Variants in MMP16 observed in about 807,000 individuals in gnomAD.
The protein encoded by MMP16 is matrix metallopeptidase 16.
In MMP16, 12 loss-of-function variants were observed where a neutral mutation model predicts 67.8. That is an observed-to-expected ratio of 0.18 (90% CI 0.11 to 0.29). MMP16 has a LOEUF of 0.29. Among genes scored for constraint, MMP16 ranks in the 10% least tolerant of loss-of-function variants. The pLI is 1.00. For missense variants in MMP16, 475 were observed against 765.7 expected, an observed-to-expected ratio of 0.62 and a Z score of 4.48; for synonymous variants, 249 against 255.9, an observed-to-expected ratio of 0.97 and a Z score of 0.26.
intron 1 of MMP16, among the ~76,000 whole-genome samples, chr8:88,280,089 G>A (rs1279086253): frequency 1.3e-5 from 2 of 152,126 alleles, no homozygotes; most frequent in African/African-American, 4.8e-5. Flanking sequence ...TAATCTTGAA[G>A]AATCTGATTG....
intron 1 of MMP16, among the ~76,000 whole-genome samples, chr8:88,253,013 G>A (rs1810250041): frequency 6.6e-6 from 1 of 152,098 alleles, no homozygotes; most frequent in Non-Finnish European, 1.5e-5. Context: ...AAGCCTGATA[G>A]GACAATTCTT....
At chr8:88,060,845 C>A (rs28516548) in intron 7 of MMP16, among the ~76,000 whole-genome samples, 6,856 of 151,926 alleles carry the variant, frequency 0.045, 167 homozygotes, top group African/African-American at 0.056. Context: ...ATGCAAAGAA[C>A]CATGTTTAAT....
At chr8:88,241,815 T>C (rs1232974522) in intron 1 of MMP16, among the ~76,000 whole-genome samples, 2 of 152,096 alleles carry the variant, frequency 1.3e-5, no homozygotes, top group African/African-American at 2.4e-5. Context: ...TATTCATTAC[T>C]TCAAACATTT....
chr8:88,287,527 C>T (rs542073747), intron 1 of MMP16, among the ~76,000 whole-genome samples: 4 of 152,240 alleles, frequency 2.6e-5, no homozygotes, highest in South Asian at 2.1e-4. Context: ...TTCAGGCCCT[C>T]GGGTTGATGC....
intron 1 of MMP16, among the ~76,000 whole-genome samples, chr8:88,236,407 G>A (rs1370847829): frequency 1.3e-5 from 2 of 152,152 alleles, no homozygotes; most frequent in African/African-American, 2.4e-5. Context: ...TTAGCTGCTG[G>A]TGGCAATAAT....
chr8:88,095,574 T>C (rs1809012337), intron 6 of MMP16, among the ~76,000 whole-genome samples: 1 of 151,878 alleles, frequency 6.6e-6, no homozygotes, highest in African/African-American at 2.4e-5. Flanking sequence ...ATTTTATTTA[T>C]AGATATTTGA....
chr8:88,062,892 G>A (rs952365430), intron 7 of MMP16, among the ~76,000 whole-genome samples: 3 of 151,990 alleles, frequency 2.0e-5, no homozygotes, highest in Non-Finnish European at 4.4e-5. Flanking sequence ...ATTCATATTT[G>A]ACTTTTTTTA....
chr8:88,044,969 T>C (rs1415153886), intron 9 of MMP16, among the ~76,000 whole-genome samples: 4 of 152,238 alleles, frequency 2.6e-5, no homozygotes, highest in Non-Finnish European at 5.9e-5. Flanking sequence ...TGACTTCCTT[T>C]ACTCTCTTAT....
chr8:88,147,887 CA>C (rs1442368772), intron 4 of MMP16, among the ~76,000 whole-genome samples: 1 of 152,006 alleles, frequency 6.6e-6, no homozygotes, highest in Non-Finnish European at 1.5e-5. Context: ...TAATTATCAA[CA>C]AGTATACTTT....
At chr8:88,206,002 C>T (rs182504355) in intron 1 of MMP16, among the ~76,000 whole-genome samples, 1 of 152,034 alleles carries the variant, frequency 6.6e-6, no homozygotes, top group Non-Finnish European at 1.5e-5. Flanking sequence ...CTTATTTCTG[C>T]TGCCACTCCT....
chr8:88,045,863 C>T (rs1586120625), intron 9 of MMP16, among the ~76,000 whole-genome samples: 1 of 152,250 alleles, frequency 6.6e-6, no homozygotes, highest in African/African-American at 2.4e-5. Flanking sequence ...ACATAATATA[C>T]TATTTTCTTA....
At chr8:88,220,052 TTTA>T (rs1233147409) in intron 1 of MMP16, among the ~76,000 whole-genome samples, 1 of 152,140 alleles carries the variant, frequency 6.6e-6, no homozygotes, top group African/African-American at 2.4e-5. Flanking sequence ...CTCTATCCAG[TTTA>T]TTGTGAAGCA....
At chr8:88,089,069 T>G (rs761091779) in intron 6 of MMP16, among the ~76,000 whole-genome samples, 1 of 151,934 alleles carries the variant, frequency 6.6e-6, no homozygotes. Flanking sequence ...TAAAACAAAA[T>G]TGGTGTATAA....
At chr8:88,258,528 A>C (rs1413137830) in intron 1 of MMP16, among the ~76,000 whole-genome samples, 1 of 152,152 alleles carries the variant, frequency 6.6e-6, no homozygotes, top group Non-Finnish European at 1.5e-5. Flanking sequence ...CTTTTGTCTA[A>C]AACAAAATCA....
At chr8:88,260,807 G>A (rs111786556) in intron 1 of MMP16, among the ~76,000 whole-genome samples, 87 of 152,204 alleles carry the variant, frequency 5.7e-4, no homozygotes, top group African/African-American at 2.0e-3. Flanking sequence ...TTAATGAATT[G>A]TGTTATGTTT....
At chr8:88,215,489 T>C (rs1293059598) in intron 1 of MMP16, among the ~76,000 whole-genome samples, 1 of 152,136 alleles carries the variant, frequency 6.6e-6, no homozygotes, top group Admixed American at 6.6e-5. Flanking sequence ...TTCAGTTGGA[T>C]TGAGACAACA....
chr8:88,189,528 T>C (rs1809133037), intron 2 of MMP16, among the ~76,000 whole-genome samples: 1 of 152,202 alleles, frequency 6.6e-6, no homozygotes, highest in Admixed American at 6.5e-5. Context: ...AACACTTCCT[T>C]CATTTTCACT....
chr8:88,250,565 G>A (rs1410580234), intron 1 of MMP16, among the ~76,000 whole-genome samples: 1 of 151,900 alleles, frequency 6.6e-6, no homozygotes, highest in Admixed American at 6.6e-5. Context: ...TTGTTTTGTA[G>A]CATGATGACC....
At chr8:88,283,962 A>G (rs963579990) in intron 1 of MMP16, among the ~76,000 whole-genome samples, 1 of 152,242 alleles carries the variant, frequency 6.6e-6, no homozygotes, top group Non-Finnish European at 1.5e-5. Flanking sequence ...ATATTTGAGC[A>G]TTGAATAAAT....
Sources: allele counts gnomAD v4.1 joint callset (sites outside exome capture counted in the v4.1 genomes callset), GRCh38; gene constraint gnomAD v4.1.1; transcripts MANE v1.5; gene names NCBI Gene and HGNC (gene_info 2026-07-23, HGNC 2026-07-21).